The following PXDN variants were observed in gnomAD, a reference collection of about 807,000 sequenced individuals.
PXDN encodes peroxidasin homolog.
A neutral mutation model predicts 140.3 loss-of-function variants in PXDN; 77 were observed. That is an observed-to-expected ratio of 0.55 (90% CI 0.46 to 0.66). PXDN has a LOEUF of 0.66. Among genes scored for constraint, PXDN ranks in the 30% least tolerant of loss-of-function variants. The pLI is 0.00. For synonymous variants in PXDN, 911 were observed against 857.4 expected, an observed-to-expected ratio of 1.06 and a Z score of -1.09; for missense variants, 1,838 against 2,039.5, an observed-to-expected ratio of 0.90 and a Z score of 1.90.
intron 1 of PXDN, among the ~76,000 whole-genome samples, chr2:1,736,374 G>A (rs1191926060): frequency 6.6e-6 from 1 of 152,152 alleles, no homozygotes; most frequent in East Asian, 1.9e-4. Flanking sequence ...ATACTGCTGT[G>A]TCTCAGGGAA....
intron 14 of PXDN, among the ~76,000 whole-genome samples, chr2:1,655,698 G>C (rs1286187918): frequency 1.1e-5 from 1 of 93,114 alleles, no homozygotes; most frequent in Admixed American, 1.6e-4. Context: ...GCCCCCTCCT[G>C]ACTGAAACCT....
intron 1 of PXDN, among the ~76,000 whole-genome samples, chr2:1,743,703 G>C (rs1685609350): frequency 1.7e-5 from 1 of 57,818 alleles, no homozygotes; most frequent in East Asian, 1.2e-3. Context: ...AGGAGGAAGG[G>C]GAGGAGGAGG....
At chr2:1,677,979 C>T (rs952165186) in intron 7 of PXDN, among the ~76,000 whole-genome samples, 1 of 152,204 alleles carries the variant, frequency 6.6e-6, no homozygotes, top group Non-Finnish European at 1.5e-5. Flanking sequence ...TTCTGCCCGG[C>T]AACCAAAACC....
Position 1,648,252 on chromosome 2 carries a change from G to A in PXDN, c.3528C>T (p.Tyr1176=), listed in dbSNP as rs773866919. The change falls in exon 17 of 23, where the codon TAC becomes TAT. Residue 1176 remains tyrosine (Y), a synonymous_variant. Coordinates refer to ENST00000252804, the MANE Select transcript of PXDN (RefSeq NM_012293.3). The surrounding 1 kb of genome is among the most constrained non-coding windows in gnomAD (Gnocchi z 8.9). The stretch of plus-strand genomic sequence containing the variant: ...ACGTGTGTGCCGCCGATAGATTGCA[G>A]TAGACCCTGTAGTCGTGGTAGGGTG... ...GIPPYHDYRV[Y]CNLSAAHTFE... is the part of the protein sequence containing the mutation. 13 of 1,613,828 alleles carry A rather than the reference G, an allele frequency of 8.1e-6. No individual in the cohort carries two copies. The highest frequency in any genetic ancestry group is 1.6e-4 in the Middle Eastern group (1 of 6,084).
intron 1 of PXDN, among the ~76,000 whole-genome samples, chr2:1,719,688 G>C (rs974785615): frequency 1.3e-5 from 2 of 152,198 alleles, no homozygotes; most frequent in African/African-American, 2.4e-5. Context: ...ACTAGCACAT[G>C]GACCACTGTC....
chr2:1,663,164 C>A (rs1057231794), intron 12 of PXDN, among the ~76,000 whole-genome samples: 18 of 152,074 alleles, frequency 1.2e-4, no homozygotes, highest in African/African-American at 4.1e-4. Context: ...CAAGGATGAG[C>A]GGGCAGACGG....
rs1278812582 is a variant in PXDN at position 1,658,052 on chromosome 2, CTCTCTCTCTCTCT to C, written c.1837+2816_1837+2828del. Among the ~76,000 whole-genome samples the C allele has an allele frequency of 3.8e-4, 48 of 127,914 alleles. 1 individual carries two copies. Among genetic ancestry groups the C allele is most frequent in the Admixed American group, 1.8e-3 (23 of 12,878 alleles). The allele number at this position is 127,914 out of a possible 152,430, so 83.9% of individuals were successfully genotyped here. On this transcript the variant is annotated intron_variant, in intron 14 of 22. Transcript: ENST00000252804. ...GCTCTCTCTCTCTCTCTCTCTCTCT[CTCTCTCTCTCTCT>C]CTCTCTCTCTCTCTCTCTCTCTCTC...
intron 21 of PXDN, among the ~76,000 whole-genome samples, chr2:1,637,683 A>G (rs1682601440): frequency 8.2e-6 from 1 of 121,412 alleles, no homozygotes; most frequent in South Asian, 2.9e-4. Context: ...AGGCAGGAGG[A>G]CCTGCCACAC....
At chr2:1,739,008 A>G (rs1427551983) in intron 1 of PXDN, among the ~76,000 whole-genome samples, 1 of 152,274 alleles carries the variant, frequency 6.6e-6, no homozygotes, top group South Asian at 2.1e-4. Flanking sequence ...AAAAGGCCCA[A>G]GTTTTACCCC....
In PXDN at chr2:1,639,143, C is replaced by G. The variant is rs1682651572; in HGVS notation, c.4073+159G>C. Among the ~76,000 whole-genome samples, 1 of 151,818 alleles carries G rather than the reference C, an allele frequency of 6.6e-6. No homozygotes were observed. The highest frequency in any genetic ancestry group is 1.5e-5 in the Non-Finnish European group (1 of 67,938). Reference sequence around the variant, plus strand: ...CCCCTGATGCTCTGAGTGGGCAGCACAGCAGGACGCAGGCTGCGGCCTGGC... The same window carrying G: ...CCCCTGATGCTCTGAGTGGGCAGCAGAGCAGGACGCAGGCTGCGGCCTGGC... On this transcript the variant is annotated intron_variant, in intron 20 of 22. Transcript: ENST00000252804. The surrounding 1 kb of genome is among the most constrained non-coding windows in gnomAD (Gnocchi z 5.0).
intron 8 of PXDN, chr2:1,676,679 G>A (rs1280940459): frequency 9.3e-6 from 5 of 536,656 alleles, no homozygotes; most frequent in Non-Finnish European, 1.7e-5. Flanking sequence ...GTGACGCGTT[G>A]CCCAGCCAGG....
Position 1,668,607 on chromosome 2 carries a change from A to G in PXDN, c.1019-2121T>C, listed in dbSNP as rs868509262. Reference sequence around the variant, plus strand: ...CAAGGAACTTAAACAAATTTACAAAAAAAAAAAACAACCCCATCTAAAAGT... The same window carrying G: ...CAAGGAACTTAAACAAATTTACAAAGAAAAAAAACAACCCCATCTAAAAGT... On this transcript the variant is annotated intron_variant, in intron 9 of 22. Coordinates refer to ENST00000252804, the MANE Select transcript of PXDN (RefSeq NM_012293.3). 7.5e-3 allele frequency among the ~76,000 whole-genome samples: 1,137 copies of G among 151,894 alleles called. 20 individuals carry two copies. The highest frequency in any genetic ancestry group is 0.026 in the African/African-American group (1,067 of 41,448).
rs74164529 is a variant in PXDN, at chr2:1,644,071, C to CAAAAAAAAAAAAAAA, written c.3744-510_3744-496dup. Among the ~76,000 whole-genome samples the CAAAAAAAAAAAAAAA allele has an allele frequency of 5.2e-5, 2 of 38,440 alleles. 1 individual carries two copies. Among genetic ancestry groups the CAAAAAAAAAAAAAAA allele is most frequent in the African/African-American group, 2.4e-4 (2 of 8,408 alleles). 25.2% of individuals were successfully genotyped at this position (38,440 alleles called of 152,430 possible). On this transcript the variant is annotated intron_variant, in intron 18 of 22. Coordinates refer to ENST00000252804, the MANE Select transcript of PXDN (RefSeq NM_012293.3). ...TGGGTGACAGAGCAAGACTCTGTCT[C>CAAAAAAAAAAAAAAA]AAAAAAAAAAAAAAAAAAAAAAAAA...
chr2:1,725,579 G>T (rs978894602), intron 1 of PXDN, among the ~76,000 whole-genome samples: 2 of 152,080 alleles, frequency 1.3e-5, no homozygotes, highest in African/African-American at 4.8e-5. Flanking sequence ...TGACAAATGG[G>T]ATCTAATTAA....
At chr2:1,635,292 C>G in intron 22 of PXDN, 116 bp downstream of exon 22, 1 of 840,238 alleles carries the variant, frequency 1.2e-6, no homozygotes, top group Non-Finnish European at 2.0e-6. Context: ...GAGGCCAGCA[C>G]AGGTAGGCGG....
intron 5 of PXDN, 45 bp downstream of exon 5, chr2:1,684,035 C>T (rs192838738): frequency 6.5e-5 from 98 of 1,515,228 alleles, no homozygotes; most frequent in Non-Finnish European, 5.5e-5. Flanking sequence ...GTGACTGAGG[C>T]TTGGGCTCTG....
chr2:1,739,234 C>T (rs966090254), intron 1 of PXDN, among the ~76,000 whole-genome samples: 1 of 152,178 alleles, frequency 6.6e-6, no homozygotes, highest in African/African-American at 2.4e-5. Flanking sequence ...ATTCTCTTTT[C>T]ACCGGACTTA....
intron 1 of PXDN, among the ~76,000 whole-genome samples, chr2:1,726,546 T>C (rs1411364963): frequency 6.6e-6 from 1 of 151,942 alleles, no homozygotes; most frequent in African/African-American, 2.4e-5. Context: ...AACCTGCACA[T>C]TGTGCACATG....
chr2:1,675,092 C>T (rs1329275785), intron 8 of PXDN, among the ~76,000 whole-genome samples: 1 of 152,208 alleles, frequency 6.6e-6, no homozygotes, highest in African/African-American at 2.4e-5. Flanking sequence ...TCTGTCCTTA[C>T]CCACAGGGAT....
Sources: allele counts gnomAD v4.1 joint callset (sites outside exome capture counted in the v4.1 genomes callset), GRCh38; gene constraint gnomAD v4.1.1; non-coding constraint Gnocchi (gnomAD v3.1); transcripts MANE v1.5; gene names NCBI Gene and HGNC (gene_info 2026-07-23, HGNC 2026-07-21).